The following GIPC2 variants were observed in gnomAD, a reference collection of about 807,000 sequenced individuals.
The protein encoded by GIPC2 is GIPC PDZ domain containing family member 2.
A neutral mutation model predicts 30.6 loss-of-function variants in GIPC2; 30 were observed. The ratio of observed to expected loss-of-function variants is 0.98; its 90% CI spans 0.73 to 1.33. The LOEUF is 1.33. GIPC2 is among the 40% of genes most tolerant of loss of function. The probability of loss-of-function intolerance (pLI) is 0.00; values close to 1 mark genes in which losing one functional copy is unlikely to be tolerated. For synonymous variants in GIPC2, 167 were observed against 150.0 expected (o/e 1.11, Z -0.83); for missense variants, 414 against 390.3 (o/e 1.06, Z -0.51).
chr1:78,118,125 G>C (rs1304249000), intron 3 of GIPC2, among the ~76,000 whole-genome samples: 4 of 151,594 alleles, frequency 2.6e-5, no homozygotes, highest in Non-Finnish European at 5.9e-5. Context: ...ATTTCACCCT[G>C]TTGCCCAGGC....
chr1:78,109,852 C>T (rs1182716703), intron 3 of GIPC2, among the ~76,000 whole-genome samples: 1 of 152,140 alleles, frequency 6.6e-6, no homozygotes. Flanking sequence ...GAATACTATG[C>T]AGCCATAAAA....
At chr1:78,073,093 G>A (rs1661653732) in intron 1 of GIPC2, among the ~76,000 whole-genome samples, 1 of 150,254 alleles carries the variant, frequency 6.7e-6, no homozygotes, top group African/African-American at 2.5e-5. Context: ...ACAGGCATGA[G>A]CCACCATGCC....
intron 1 of GIPC2, among the ~76,000 whole-genome samples, chr1:78,050,175 G>A (rs1031940877): frequency 6.6e-6 from 1 of 151,186 alleles, no homozygotes; most frequent in South Asian, 2.1e-4. Context: ...TGGGATTACC[G>A]ACGTGAGCTA....
chr1:78,062,855 G>A (rs888486151), intron 1 of GIPC2, among the ~76,000 whole-genome samples: 1 of 152,116 alleles, frequency 6.6e-6, no homozygotes, highest in South Asian at 2.1e-4. Context: ...CTATCTTAAC[G>A]GAAATGGTAA....
At chr1:78,060,841 A>G (rs1661377975) in intron 1 of GIPC2, among the ~76,000 whole-genome samples, 1 of 151,994 alleles carries the variant, frequency 6.6e-6, no homozygotes, top group Non-Finnish European at 1.5e-5. Flanking sequence ...AGATAGATAG[A>G]TAGGTAGATA....
chr1:78,049,678 G>A (rs1661159272), intron 1 of GIPC2, among the ~76,000 whole-genome samples: 1 of 152,152 alleles, frequency 6.6e-6, no homozygotes, highest in Non-Finnish European at 1.5e-5. Context: ...CCACAGCTGT[G>A]CTAGGCCTGT....
chr1:78,087,983 CAAT>C (rs768641552), intron 2 of GIPC2, among the ~76,000 whole-genome samples: 8 of 151,838 alleles, frequency 5.3e-5, no homozygotes, highest in Admixed American at 3.9e-4. Flanking sequence ...ATGTGGCCAA[CAAT>C]AATATTAAAA....
chr1:78,066,667 A>G (rs1661518463), intron 1 of GIPC2, among the ~76,000 whole-genome samples: 2 of 152,274 alleles, frequency 1.3e-5, no homozygotes, highest in African/African-American at 2.4e-5. Context: ...GGAAAAGAAA[A>G]TGTGGTCCAT....
intron 1 of GIPC2, among the ~76,000 whole-genome samples, chr1:78,080,447 G>A (rs1244162767): frequency 6.6e-6 from 1 of 152,152 alleles, no homozygotes; most frequent in Non-Finnish European, 1.5e-5. Flanking sequence ...GATGTAAATT[G>A]TCTAGCGTGA....
chr1:78,104,949 T>C (rs749029838), intron 3 of GIPC2, among the ~76,000 whole-genome samples: 10 of 152,194 alleles, frequency 6.6e-5, no homozygotes, highest in Non-Finnish European at 1.2e-4. Context: ...CCTGGCCTCT[T>C]CGTATCTAGC....
At chr1:78,054,046 ACTT>A (rs778480431) in intron 1 of GIPC2, among the ~76,000 whole-genome samples, 1 of 152,010 alleles carries the variant, frequency 6.6e-6, no homozygotes, top group Admixed American at 6.6e-5. Flanking sequence ...TTCCAATCTC[ACTT>A]CTTAATAATC....
chr1:78,064,745 T>A (rs1661470129), intron 1 of GIPC2, among the ~76,000 whole-genome samples: 1 of 145,192 alleles, frequency 6.9e-6, no homozygotes, highest in Non-Finnish European at 1.5e-5. Context: ...ATGCAACCTT[T>A]TTTTTTTTTT....
chr1:78,110,238 C>T (rs1201068871), intron 3 of GIPC2, among the ~76,000 whole-genome samples: 5 of 151,658 alleles, frequency 3.3e-5, no homozygotes, highest in African/African-American at 1.2e-4. Context: ...GTAGAGGGAA[C>T]CTCTATACCT....
At chr1:78,085,895 A>ATTT (rs1236934506) in intron 2 of GIPC2, among the ~76,000 whole-genome samples, 21 of 99,980 alleles carry the variant, frequency 2.1e-4, no homozygotes, top group Admixed American at 6.2e-4. Flanking sequence ...GATCTTTTGA[A>ATTT]TGTTTTTTTT....
intron 3 of GIPC2, among the ~76,000 whole-genome samples, chr1:78,107,378 C>T (rs1434124624): frequency 6.6e-6 from 1 of 152,066 alleles, no homozygotes; most frequent in Non-Finnish European, 1.5e-5. Context: ...CTCCTGGGCT[C>T]AAGCAGTATG....
intron 5 of GIPC2, among the ~76,000 whole-genome samples, chr1:78,128,962 G>A (rs923378400): frequency 1.1e-4 from 16 of 150,370 alleles, no homozygotes; most frequent in African/African-American, 2.2e-4. Context: ...CTAGGATGGC[G>A]CCACTGCACT....
chr1:78,118,140 C>G (rs1285266486), intron 3 of GIPC2, among the ~76,000 whole-genome samples: 1 of 151,342 alleles, frequency 6.6e-6, no homozygotes, highest in African/African-American at 2.4e-5. Flanking sequence ...CCAGGCTGGT[C>G]TTGAACTCTT....
At chr1:78,079,895 C>T (rs1257024221) in intron 1 of GIPC2, among the ~76,000 whole-genome samples, 1 of 152,082 alleles carries the variant, frequency 6.6e-6, no homozygotes, top group Non-Finnish European at 1.5e-5. Flanking sequence ...TTGAAATCTC[C>T]ACACAACTTT....
At chr1:78,083,302 T>C (rs1295255731) in intron 2 of GIPC2, among the ~76,000 whole-genome samples, 1 of 152,200 alleles carries the variant, frequency 6.6e-6, no homozygotes, top group East Asian at 1.9e-4. Context: ...TTTCCTCATG[T>C]TGATAAATAG....
Sources: allele counts gnomAD v4.1 joint callset (sites outside exome capture counted in the v4.1 genomes callset), GRCh38; gene constraint gnomAD v4.1.1; transcripts MANE v1.5; gene names NCBI Gene and HGNC (gene_info 2026-07-23, HGNC 2026-07-21).